The following HEATR5A variants were observed in gnomAD, a reference collection of about 807,000 sequenced individuals.
HEATR5A encodes HEAT repeat-containing protein 5A.
A neutral mutation model predicts 218.8 loss-of-function variants in HEATR5A; 178 were observed. The observed-to-expected ratio is 0.81, with a 90% CI of 0.72 to 0.92. The LOEUF (loss-of-function observed/expected upper bound fraction) is 0.92. Ranked by LOEUF, HEATR5A falls within the 40% of genes least tolerant of loss-of-function variation. The pLI, the probability that HEATR5A is intolerant of heterozygous loss-of-function variation, is 0.00. For synonymous variants in HEATR5A, 864 were observed against 871.6 expected (o/e 0.99, Z 0.15); for missense variants, 2,420 against 2,418.9 (o/e 1.00, Z -0.01).
intron 23 of HEATR5A, 39 bp downstream of exon 23, chr14:31,326,124 T>C: frequency 6.5e-7 from 1 of 1,537,410 alleles, no homozygotes; most frequent in Non-Finnish European, 9.0e-7. Context: ...GTTTCAAATT[T>C]CAATTTTATT....
At chr14:31,368,601 A>G (rs1284530782) in intron 13 of HEATR5A, among the ~76,000 whole-genome samples, 1 of 152,152 alleles carries the variant, frequency 6.6e-6, no homozygotes, top group Non-Finnish European at 1.5e-5. Context: ...GGCGCAATCA[A>G]GACTATAGCC....
chr14:31,416,184 C>T (rs2031440895), intron 1 of HEATR5A, among the ~76,000 whole-genome samples: 1 of 152,144 alleles, frequency 6.6e-6, no homozygotes, highest in African/African-American at 2.4e-5. Flanking sequence ...GTGGTACGAT[C>T]TCGGCTCACT....
chr14:31,399,459 G>A (rs2030787742), intron 3 of HEATR5A, among the ~76,000 whole-genome samples: 1 of 152,172 alleles, frequency 6.6e-6, no homozygotes, highest in South Asian at 2.1e-4. Flanking sequence ...TTCTCATCAA[G>A]TTTGAAATCT....
chr14:31,318,526 G>A (rs542457995), intron 25 of HEATR5A, among the ~76,000 whole-genome samples: 4 of 151,894 alleles, frequency 2.6e-5, no homozygotes, highest in South Asian at 4.1e-4. Flanking sequence ...TCGCCCTGTC[G>A]CCCAGGCAGG....
At chr14:31,380,631 T>G in intron 10 of HEATR5A, 53 bp from the exon 11 acceptor site, 1 of 1,077,488 alleles carries the variant, frequency 9.3e-7, no homozygotes, top group South Asian at 1.4e-5. Flanking sequence ...TATAAATTAC[T>G]AAATGATAGC....
rs191925861 is a variant in HEATR5A at position 31,352,800 on chromosome 14, A to G, written c.2412-2083T>C. On this transcript the variant is annotated intron_variant, in intron 16 of 35. Coordinates refer to ENST00000543095, the MANE Select transcript of HEATR5A (RefSeq NM_015473.4). ...TGGTGAAACTCCATCTCTATTAAAA[A>G]TATAAAAACTAGCCAGGCGTGGTGG... Among the ~76,000 whole-genome samples, 250 of 152,202 alleles carry G rather than the reference A, an allele frequency of 1.6e-3. 1 individual carries two copies. Among genetic ancestry groups the G allele is most frequent in the Middle Eastern group, 0.014 (4 of 294 alleles).
intron 2 of HEATR5A, among the ~76,000 whole-genome samples, chr14:31,401,286 CAGTG>C (rs758734920): frequency 2.2e-4 from 33 of 152,184 alleles, no homozygotes; most frequent in African/African-American, 5.5e-4. Flanking sequence ...GTTCTTGTGA[CAGTG>C]AGTGAGTTCT....
rs1417031716 is a variant in HEATR5A, at chr14:31,347,817, A to G, written c.2799T>C (p.Ser933=). The G allele has an allele frequency of 1.2e-6, 2 of 1,608,956 alleles. No individual in the cohort carries two copies. The highest frequency in any genetic ancestry group is 1.7e-6 in the Non-Finnish European group (2 of 1,177,332). The part of the protein sequence containing the change: ...LHRYLGGISS[S]QHLNSCIGIL... Reference sequence around the variant, plus strand: ...TTCCAATACAAGAATTTAGGTGTTGAGAAGAACTTATTCCTCCTAAATACC... The same window carrying G: ...TTCCAATACAAGAATTTAGGTGTTGGGAAGAACTTATTCCTCCTAAATACC... Residue 933 remains serine (S), a synonymous_variant, in exon 19 of 36, where the codon TCT becomes TCC. Transcript: ENST00000543095.
chr14:31,394,530 C>T (rs1482880640), intron 5 of HEATR5A, among the ~76,000 whole-genome samples: 1 of 151,990 alleles, frequency 6.6e-6, no homozygotes, highest in Non-Finnish European at 1.5e-5. Flanking sequence ...ATTAAAAAAA[C>T]TCTGGCTGGG....
At chr14:31,420,351 C>T (rs1033322925) in intron 1 of HEATR5A, 121 bp downstream of exon 1, 1 of 152,324 alleles carries the variant, frequency 6.6e-6, no homozygotes, top group African/African-American at 2.4e-5. Context: ...CCCTCGGGAT[C>T]CCCGAGCGCT....
At chr14:31,315,582 A>C (rs929462613) in intron 27 of HEATR5A, among the ~76,000 whole-genome samples, 188 bp downstream of exon 27, 1 of 152,222 alleles carries the variant, frequency 6.6e-6, no homozygotes, top group Non-Finnish European at 1.5e-5. Flanking sequence ...ATAATAGACT[A>C]CGGAAGACTC....
At chr14:31,399,218 T>C (rs1475740553) in intron 3 of HEATR5A, among the ~76,000 whole-genome samples, 1 of 152,188 alleles carries the variant, frequency 6.6e-6, no homozygotes, top group East Asian at 1.9e-4. Flanking sequence ...AAGGATAAAA[T>C]TTCTAAGAAT....
chr14:31,370,890 T>C (rs757537671), intron 13 of HEATR5A, among the ~76,000 whole-genome samples: 3 of 152,194 alleles, frequency 2.0e-5, no homozygotes, highest in Non-Finnish European at 4.4e-5. Context: ...AACAAAAATA[T>C]GTGATACACT....
intron 1 of HEATR5A, among the ~76,000 whole-genome samples, chr14:31,415,716 G>T (rs1053994621): frequency 1.3e-5 from 2 of 152,062 alleles, no homozygotes; most frequent in Non-Finnish European, 2.9e-5. Flanking sequence ...CATAAAAAAG[G>T]TGTTATTACT....
At chr14:31,404,558 A>T (rs533539992) in intron 1 of HEATR5A, among the ~76,000 whole-genome samples, 178 of 152,284 alleles carry the variant, frequency 1.2e-3, no homozygotes, top group Middle Eastern at 6.8e-3. Context: ...GTTGGTCAAG[A>T]CTGCCTGCAA....
intron 26 of HEATR5A, among the ~76,000 whole-genome samples, chr14:31,316,388 T>C (rs1899912751): frequency 6.6e-6 from 1 of 152,174 alleles, no homozygotes; most frequent in African/African-American, 2.4e-5. Context: ...ATCTAGTCAC[T>C]GAGACTATAT....
Position 31,388,785 on chromosome 14 carries a change from C to A in HEATR5A, c.933+60G>T, listed in dbSNP as rs927075666. 6.4e-6 allele frequency: 9 copies of A among 1,395,586 alleles called. 1 individual carries two copies. In the East Asian group the frequency reaches 2.1e-4, roughly 32 times the overall value. 86.5% of individuals were successfully genotyped at this position (1,395,586 alleles called of 1,614,324 possible). A position where few individuals can be genotyped will look rare whatever the true frequency, so the allele number is the denominator to read the frequency against. Reference sequence around the variant, plus strand: ...AGTACCACTTCTGTGGAGTCAGATACTAAAACTTTCATTATAGGCCAGTAA... The same window carrying A: ...AGTACCACTTCTGTGGAGTCAGATAATAAAACTTTCATTATAGGCCAGTAA... On this transcript the variant is annotated intron_variant, in intron 7 of 35. Coordinates refer to ENST00000543095, the MANE Select transcript of HEATR5A (RefSeq NM_015473.4).
At chr14:31,413,049 T>A (rs1387957212) in intron 1 of HEATR5A, among the ~76,000 whole-genome samples, 1 of 152,156 alleles carries the variant, frequency 6.6e-6, no homozygotes. Flanking sequence ...AAACTTAACT[T>A]ATGACGAACC....
chr14:31,310,685 T>C (rs1047105582), intron 28 of HEATR5A, among the ~76,000 whole-genome samples: 6 of 152,122 alleles, frequency 3.9e-5, no homozygotes, highest in African/African-American at 4.8e-5. Context: ...TAATTTTTTT[T>C]CCACTTAACA....
Sources: allele counts gnomAD v4.1 joint callset (sites outside exome capture counted in the v4.1 genomes callset), GRCh38; gene constraint gnomAD v4.1.1; transcripts MANE v1.5; gene names NCBI Gene and HGNC (gene_info 2026-07-23, HGNC 2026-07-21).